PCDHA7: variants seen among roughly 807,000 people sequenced by gnomAD.
PCDHA7 encodes the protein protocadherin alpha-7.
Under a neutral mutation model 57.2 loss-of-function variants are expected in PCDHA7, and 37 were observed. The observed-to-expected ratio is 0.65, with a 90% CI of 0.50 to 0.85. PCDHA7 has a LOEUF of 0.85. Among genes scored for constraint, PCDHA7 ranks in the 40% least tolerant of loss-of-function variants. The probability of loss-of-function intolerance (pLI) is 0.00; values close to 1 mark genes in which losing one functional copy is unlikely to be tolerated. For synonymous variants in PCDHA7, 553 were observed against 558.8 expected, an observed-to-expected ratio of 0.99 and a Z score of 0.15; for missense variants, 1,188 against 1,241.8, an observed-to-expected ratio of 0.96 and a Z score of 0.65.
In PCDHA7 at chr5:140,848,974, C is replaced by T. The variant is rs2150427496; in HGVS notation, c.2355+12236C>T. On this transcript the variant is annotated intron_variant, in intron 1 of 3. Coordinates refer to ENST00000525929, the MANE Select transcript of PCDHA7 (RefSeq NM_018910.3). ...TTTCCACTAGAGGGCGCGTCCGATG[C>T]AGATATCGGGGAGAACGCCCTGCTC... 302 of 1,600,986 alleles carry T rather than the reference C, an allele frequency of 1.9e-4. 1 individual carries two copies. The highest frequency in any genetic ancestry group is 2.4e-4 in the Non-Finnish European group (280 of 1,171,990).
intron 1 of PCDHA7, among the ~76,000 whole-genome samples, chr5:140,896,683 C>T (rs2153454060): frequency 6.6e-6 from 1 of 152,068 alleles, no homozygotes; most frequent in South Asian, 2.1e-4. Context: ...GGCCCTTTGC[C>T]CATTTTTTGA....
intron 1 of PCDHA7, chr5:140,863,238 T>G (rs1367184463): frequency 9.1e-6 from 12 of 1,318,616 alleles, no homozygotes; most frequent in Non-Finnish European, 1.3e-5. Context: ...CATCGCGGGC[T>G]TTGGCGGGCG....
intron 1 of PCDHA7, chr5:140,841,760 A>C: frequency 6.2e-7 from 1 of 1,613,864 alleles, no homozygotes; most frequent in Non-Finnish European, 8.5e-7. Flanking sequence ...AGAATCCAGA[A>C]TGCCAGACTC....
chr5:140,965,307 C>T (rs2095888914), intron 1 of PCDHA7, among the ~76,000 whole-genome samples: 1 of 152,150 alleles, frequency 6.6e-6, no homozygotes, highest in Admixed American at 6.5e-5. Context: ...ATCCTTCTAC[C>T]TTCTCTTTTA....
chr5:140,883,533 A>T, intron 1 of PCDHA7: 2 of 1,614,190 alleles, frequency 1.2e-6, no homozygotes, highest in South Asian at 2.2e-5. Flanking sequence ...TCAGCCTATG[A>T]ACTGGTGGTG....
chr5:140,894,253 T>C (rs1554186000), intron 1 of PCDHA7, among the ~76,000 whole-genome samples: 1 of 152,112 alleles, frequency 6.6e-6, no homozygotes, highest in Non-Finnish European at 1.5e-5. Context: ...TTCTTTTCTT[T>C]ACAAGTGGTA....
At chr5:140,841,648 C>T in intron 1 of PCDHA7, 1 of 1,614,112 alleles carries the variant, frequency 6.2e-7, no homozygotes, top group East Asian at 2.2e-5. Flanking sequence ...TGGAGGTGAT[C>T]GTGGACAGGC....
At chr5:141,007,933 A>T (rs1168610845) in intron 3 of PCDHA7, among the ~76,000 whole-genome samples, 1 of 152,212 alleles carries the variant, frequency 6.6e-6, no homozygotes, top group African/African-American at 2.4e-5. Context: ...TGGAATTCTA[A>T]GCCACCTTTT....
intron 1 of PCDHA7, among the ~76,000 whole-genome samples, chr5:140,941,191 T>TTTCTTTCTTCCTTTCTTCCTTTC (rs1487503403): frequency 1.1e-5 from 1 of 93,258 alleles, no homozygotes; most frequent in African/African-American, 3.9e-5. Flanking sequence ...GCTTCTTTTT[T>TTTCTTTCTTCCTTTCTTCCTTTC]TTTCTTTCTT....
intron 1 of PCDHA7, among the ~76,000 whole-genome samples, chr5:140,921,582 A>G (rs1451313725): frequency 6.6e-6 from 1 of 152,200 alleles, no homozygotes; most frequent in Non-Finnish European, 1.5e-5. Context: ...AGCTCATACT[A>G]TATTATGGTT....
rs782065777 is a variant in PCDHA7, at chr5:140,876,365, A to G, written c.2355+39627A>G. Reference sequence around the variant, plus strand: ...AAATGTATGTTTTCAATAAATCCAGACACAGGTGAAATTAGAATTTATGGT... The same window carrying G: ...AAATGTATGTTTTCAATAAATCCAGGCACAGGTGAAATTAGAATTTATGGT... On this transcript the variant is annotated intron_variant, in intron 1 of 3. Coordinates refer to ENST00000525929, the MANE Select transcript of PCDHA7 (RefSeq NM_018910.3). 60 of 1,613,862 alleles carry G rather than the reference A, an allele frequency of 3.7e-5. 2 individuals carry two copies. In the South Asian group the frequency reaches 6.5e-4, roughly 17 times the overall value.
At chr5:140,987,565 T>C (rs1407426548) in intron 3 of PCDHA7, among the ~76,000 whole-genome samples, 1 of 152,344 alleles carries the variant, frequency 6.6e-6, no homozygotes, top group East Asian at 1.9e-4. Flanking sequence ...TCTCAGTTTC[T>C]TTCTCTATAA....
chr5:140,869,654 C>G, intron 1 of PCDHA7: 2 of 1,613,446 alleles, frequency 1.2e-6, no homozygotes, highest in African/African-American at 1.3e-5. Context: ...GATTCACCAA[C>G]AAATGGTAAG....
intron 1 of PCDHA7, chr5:140,863,615 T>C (rs1290782399): frequency 1.2e-5 from 4 of 339,092 alleles, no homozygotes; most frequent in South Asian, 4.8e-5. Context: ...ATGTCCCTCA[T>C]AGTGACATTG....
intron 1 of PCDHA7, chr5:140,841,783 A>G (rs1580976899): frequency 6.2e-7 from 1 of 1,613,912 alleles, no homozygotes; most frequent in Non-Finnish European, 8.5e-7. Flanking sequence ...GGTTTCCGCT[A>G]GAGGGCGCGT....
At chr5:140,878,103 G>A (rs2153358436) in intron 1 of PCDHA7, 1 of 261,846 alleles carries the variant, frequency 3.8e-6, no homozygotes, top group East Asian at 7.9e-5. Context: ...GATGAACCTT[G>A]AAAAAAACAG....
rs530240100 is a variant in PCDHA7 at position 140,875,788 on chromosome 5, C to T, written c.2355+39050C>T. 5 of 1,614,194 alleles carry T rather than the reference C, an allele frequency of 3.1e-6. No individual in the cohort carries two copies. In the Admixed American group the frequency reaches 5.0e-5, roughly 16 times the overall value. The stretch of plus-strand genomic sequence containing the variant: ...GCGGAGCGCGGAGTGCAGTATCCAC[C>T]TGGAGGTGATCGTGGACAGGCCGCT... On this transcript the variant is annotated intron_variant, in intron 1 of 3. Coordinates refer to ENST00000525929, the MANE Select transcript of PCDHA7 (RefSeq NM_018910.3).
chr5:140,869,933 T>A, intron 1 of PCDHA7: 1 of 1,611,316 alleles, frequency 6.2e-7, no homozygotes, highest in Non-Finnish European at 8.5e-7. Context: ...AATGGAGAGG[T>A]AACATACTCC....
At chr5:140,862,894 TTGTC>T (rs782757160) in intron 1 of PCDHA7, 2 of 559,636 alleles carry the variant, frequency 3.6e-6, no homozygotes, top group East Asian at 4.8e-5. Flanking sequence ...AACGACAACT[TTGTC>T]TGCGCTGCTG....
Sources: gnomAD v4.1 joint callset for allele counts (sites outside exome capture counted in the v4.1 genomes callset) on GRCh38, gnomAD v4.1.1 for gene constraint, MANE v1.5 for transcripts, NCBI Gene and HGNC (gene_info 2026-07-23, HGNC 2026-07-21) for gene names.